The following RFX4 variants were observed in gnomAD, a reference collection of about 807,000 sequenced individuals.
The protein encoded by RFX4 is transcription factor RFX4.
Under a neutral mutation model 95.0 loss-of-function variants are expected in RFX4, and 10 were observed. The observed-to-expected ratio is 0.11, with a 90% CI of 0.06 to 0.18. The LOEUF is 0.18. Among genes scored for constraint, RFX4 ranks in the 10% least tolerant of loss-of-function variants. The pLI is 1.00. For synonymous variants in RFX4, 321 were observed against 340.7 expected, an observed-to-expected ratio of 0.94 and a Z score of 0.64; for missense variants, 640 against 922.0, an observed-to-expected ratio of 0.69 and a Z score of 3.96.
intron 3 of RFX4, among the ~76,000 whole-genome samples, chr12:106,641,715 C>T (rs942955781): frequency 2.1e-4 from 32 of 152,104 alleles, no homozygotes; most frequent in African/African-American, 6.8e-4. Context: ...TTCGCCTATT[C>T]TTATCAAAAG....
chr12:106,749,663 A>T (rs1190374959), intron 16 of RFX4, among the ~76,000 whole-genome samples: 1 of 152,172 alleles, frequency 6.6e-6, no homozygotes, highest in Admixed American at 6.5e-5. Context: ...TAAGAAGAAC[A>T]GTGATAATAA....
chr12:106,589,839 T>A (rs1316547483), intron 1 of RFX4, among the ~76,000 whole-genome samples: 1 of 152,218 alleles, frequency 6.6e-6, no homozygotes, highest in Admixed American at 6.5e-5. Context: ...AGGGGGATTT[T>A]AAATGGTGGC....
At chr12:106,735,804 G>A (rs1217640755) in intron 15 of RFX4, among the ~76,000 whole-genome samples, 4 of 151,976 alleles carry the variant, frequency 2.6e-5, no homozygotes, top group Admixed American at 6.6e-5. Context: ...GGGAACACAA[G>A]GATAAAGAAA....
chr12:106,673,129 T>C (rs896284757), intron 4 of RFX4, among the ~76,000 whole-genome samples: 5 of 152,148 alleles, frequency 3.3e-5, no homozygotes, highest in Admixed American at 6.5e-5. Context: ...AAAAACTAGA[T>C]TGAATGAGGA....
chr12:106,711,419 C>T (rs1471173111), intron 9 of RFX4, 34 bp from the exon 10 acceptor site: 1 of 1,589,182 alleles, frequency 6.3e-7, no homozygotes, highest in South Asian at 1.1e-5. Context: ...ATAAAGCATG[C>T]AAATATTTCA....
chr12:106,606,856 A>G (rs1197202677), intron 1 of RFX4, among the ~76,000 whole-genome samples: 1 of 152,194 alleles, frequency 6.6e-6, no homozygotes, highest in Non-Finnish European at 1.5e-5. Flanking sequence ...CCCTCTCCGC[A>G]TAGCTTACTC....
At chr12:106,649,525 C>T (rs10861642) in intron 3 of RFX4, among the ~76,000 whole-genome samples, 47,228 of 151,942 alleles carry the variant, frequency 0.31, 8,045 homozygotes, top group African/African-American at 0.45. Context: ...TTTAATTAGC[C>T]CAGCCTGTGT....
chr12:106,592,262 A>G (rs973189435), intron 1 of RFX4, among the ~76,000 whole-genome samples: 3 of 152,214 alleles, frequency 2.0e-5, no homozygotes, highest in East Asian at 3.8e-4. Context: ...CTATGTAGAT[A>G]CAACCCCAGT....
intron 4 of RFX4, among the ~76,000 whole-genome samples, chr12:106,673,410 TG>T (rs890027511): frequency 5.3e-5 from 8 of 152,166 alleles, no homozygotes; most frequent in Non-Finnish European, 8.8e-5. Flanking sequence ...GAGGCAAGCC[TG>T]GGTACCCAGT....
At chr12:106,707,342 T>A (rs2042105556) in intron 8 of RFX4, among the ~76,000 whole-genome samples, 1 of 151,994 alleles carries the variant, frequency 6.6e-6, no homozygotes, top group African/African-American at 2.4e-5. Flanking sequence ...TCTGCACAGA[T>A]GGGAATTTCG....
intron 3 of RFX4, among the ~76,000 whole-genome samples, chr12:106,645,091 C>CA (rs1257301647): frequency 6.3e-4 from 96 of 152,232 alleles, no homozygotes; most frequent in African/African-American, 2.1e-3. Flanking sequence ...ATACAGCAGC[C>CA]AAGCAGCCTA....
At chr12:106,677,141 C>A (rs944690304) in intron 4 of RFX4, among the ~76,000 whole-genome samples, 2 of 152,184 alleles carry the variant, frequency 1.3e-5, no homozygotes, top group African/African-American at 4.8e-5. Flanking sequence ...TGAGCCAGGA[C>A]TGGAACCCGG....
rs771623948 is a variant in RFX4 at position 106,639,744 on chromosome 12, AT to A, written c.191+353del. ...CTTACCAATGAACCCTTAATTCATA[AT>A]GAATTACAATTGTATATAATTATTT... On this transcript the variant is annotated intron_variant, in intron 3 of 17. Coordinates refer to ENST00000392842, the MANE Select transcript of RFX4 (RefSeq NM_213594.3). Among the ~76,000 whole-genome samples, 5 of 152,356 alleles carry A rather than the reference AT, an allele frequency of 3.3e-5. No homozygotes were observed. In the East Asian group the frequency reaches 9.6e-4, roughly 29 times the overall value.
chr12:106,758,641 G>A (rs932831368), intron 17 of RFX4, among the ~76,000 whole-genome samples: 1 of 152,218 alleles, frequency 6.6e-6, no homozygotes, highest in Non-Finnish European at 1.5e-5. Context: ...TAAGGCCCCA[G>A]AGCTCTGTCG....
At chr12:106,750,903 C>G in intron 17 of RFX4, 110 bp downstream of exon 17, 1 of 1,009,928 alleles carries the variant, frequency 9.9e-7, no homozygotes, top group Non-Finnish European at 1.3e-6. Context: ...CGTGTGTGTC[C>G]CCAAGGAGAG....
intron 4 of RFX4, among the ~76,000 whole-genome samples, chr12:106,668,744 G>A (rs1332438356): frequency 6.6e-6 from 1 of 152,122 alleles, no homozygotes; most frequent in Non-Finnish European, 1.5e-5. Flanking sequence ...ACTATGAAAT[G>A]GAACTCAGGA....
intron 4 of RFX4, among the ~76,000 whole-genome samples, chr12:106,669,522 G>A (rs528527139): frequency 9.9e-5 from 15 of 152,106 alleles, no homozygotes; most frequent in African/African-American, 2.9e-4. Context: ...ACCTGCATTG[G>A]AGAGAACAGA....
chr12:106,591,797 T>C lies in RFX4; in HGVS notation c.43+8434T>C, dbSNP rs532809769. 3.3e-5 allele frequency among the ~76,000 whole-genome samples: 5 copies of C among 152,344 alleles called. No individual in the cohort carries two copies. In the South Asian group the frequency reaches 8.3e-4, roughly 25 times the overall value. On this transcript the variant is annotated intron_variant, in intron 1 of 17. Coordinates refer to ENST00000392842, the MANE Select transcript of RFX4 (RefSeq NM_213594.3). The stretch of plus-strand genomic sequence containing the variant: ...AGCAGCTAAGTAATATGATAATATA[T>C]GGAGCCTTTAGGTAACTTAAACAAT...
At chr12:106,624,508 T>C (rs943974423) in intron 2 of RFX4, among the ~76,000 whole-genome samples, 1 of 152,000 alleles carries the variant, frequency 6.6e-6, no homozygotes, top group Non-Finnish European at 1.5e-5. Context: ...TATTTTTTTT[T>C]AGTAGAGATG....
Sources: allele counts gnomAD v4.1 joint callset (sites outside exome capture counted in the v4.1 genomes callset), GRCh38; gene constraint gnomAD v4.1.1; transcripts MANE v1.5; gene names NCBI Gene and HGNC (gene_info 2026-07-23, HGNC 2026-07-21).